ZNF570: variants seen among roughly 807,000 people sequenced by gnomAD.
The protein encoded by ZNF570 is zinc finger protein 570.
In ZNF570, 8 loss-of-function variants were observed where a neutral mutation model predicts 14.2. The ratio of observed to expected loss-of-function variants is 0.56; its 90% CI spans 0.33 to 1.02. ZNF570 has a LOEUF of 1.02. Ranked by LOEUF, ZNF570 falls within the 50% of genes least tolerant of loss-of-function variation. The pLI is 0.03. For synonymous variants in ZNF570, 202 were observed against 207.6 expected, an observed-to-expected ratio of 0.97 and a Z score of 0.23; for missense variants, 559 against 624.9, an observed-to-expected ratio of 0.89 and a Z score of 1.12.
chr19:37,483,881 T>G lies in ZNF570; in HGVS notation c.259T>G (p.Trp87Gly), dbSNP rs2042114057. Residue 87 changes from tryptophan (W) to glycine (G), a missense_variant and splice_region_variant, in exon 5 of 5, where the codon TGG (tryptophan) becomes GGG (glycine). Coordinates refer to ENST00000330173, the MANE Select transcript of ZNF570 (RefSeq NM_144694.5). ...RELTKGLCSG[W>G]EPICETEELT... ...TTTTTCTTATTATTACTTTTCAGGC[T>G]GGGAGCCTATATGTGAGACTGAAGA... 6.3e-7 allele frequency: 1 copy of G among 1,590,216 alleles called. No individual in the cohort carries two copies. The highest frequency in any genetic ancestry group is 1.4e-5 in the African/African-American group (1 of 73,590).
intron 4 of ZNF570, among the ~76,000 whole-genome samples, chr19:37,478,549 T>TCTCAATGATTTCTTGATCC (rs2042052552): frequency 3.3e-5 from 5 of 151,818 alleles, no homozygotes; most frequent in Admixed American, 2.0e-4. Context: ...ATTTTTCTGT[T>TCTCAATGATTTCTTGATCC]GCCTTTGTCG....
intron 4 of ZNF570, among the ~76,000 whole-genome samples, chr19:37,482,287 C>T (rs1168288895): frequency 2.6e-5 from 4 of 152,126 alleles, no homozygotes; most frequent in Non-Finnish European, 4.4e-5. Flanking sequence ...GTAATTTCTA[C>T]GAAAAGAGGT....
chr19:37,470,257 A>T (rs1476837205), intron 1 of ZNF570, 47 bp from the exon 2 acceptor site: 4 of 1,570,800 alleles, frequency 2.5e-6, no homozygotes, highest in Non-Finnish European at 3.5e-6. Flanking sequence ...GTGATTCTGG[A>T]TGCTGCAAGA....
intron 2 of ZNF570, among the ~76,000 whole-genome samples, chr19:37,470,802 C>T (rs1385317785): frequency 4.3e-5 from 6 of 139,690 alleles, no homozygotes; most frequent in Non-Finnish European, 9.0e-5. Flanking sequence ...TGGGTTCAAA[C>T]GATTCTCCTG....
Position 37,476,416 on chromosome 19 carries a change from A to G in ZNF570, c.238A>G (p.Thr80Ala). ...KAPWMVKREL[T>A]KGLCSGWEPI... ...ACCCTGGATGGTGAAGAGAGAGCTG[A>G]CAAAAGGCTTGTGCTCAGGTTAGTG... The change falls in exon 4 of 5, where the codon ACA becomes GCA. Residue 80 changes from threonine (T) to alanine (A), a missense_variant. Physicochemically the swap from Thr to Ala is moderately conservative, Grantham distance 58 (BLOSUM62 0). Coordinates refer to ENST00000330173, the MANE Select transcript of ZNF570 (RefSeq NM_144694.5). 2 of 1,613,980 alleles carry G rather than the reference A, an allele frequency of 1.2e-6. No homozygotes were observed. The highest frequency in any genetic ancestry group is 1.7e-6 in the Non-Finnish European group (2 of 1,179,926).
rs1466301754 is a variant in ZNF570, at chr19:37,485,247, A to G, written c.*14A>G. 1 of 1,521,552 alleles carries G rather than the reference A, an allele frequency of 6.6e-7. No homozygotes were observed. Among genetic ancestry groups the G allele is most frequent in the South Asian group, 1.3e-5 (1 of 74,438 alleles). The allele number at this position is 1,521,552 out of a possible 1,614,324, so 94.3% of individuals were successfully genotyped here. Reference sequence around the variant, plus strand: ...CAAGTCCTATAGATCCTGAGTCCTAAATGTTTCTAGAATTTATACTGTTTT... The same window carrying G: ...CAAGTCCTATAGATCCTGAGTCCTAGATGTTTCTAGAATTTATACTGTTTT... On this transcript the variant is annotated 3_prime_UTR_variant, in exon 5 of 5. Transcript: ENST00000330173.
At position 37,484,439 on chromosome 19, in the gene ZNF570, C is replaced by T. The variant is rs1461244521; in HGVS notation, c.817C>T (p.Pro273Ser). 1 of 1,614,092 alleles carries T rather than the reference C, an allele frequency of 6.2e-7. No individual in the cohort carries two copies. The highest frequency in any genetic ancestry group is 1.7e-5 in the Admixed American group (1 of 60,020). The change falls in exon 5 of 5, where the codon CCC (proline) becomes TCC (serine). Residue 273 changes from proline to serine, a missense_variant. Pro to Ser is a moderately conservative substitution (Grantham distance 74, BLOSUM62 -1). Transcript: ENST00000330173. ...QHQRIHTGEK[P>S]YECKECRKAF... ...TCAGAGGATTCATACTGGAGAAAAA[C>T]CCTATGAATGTAAGGAATGTAGGAA...
upstream of ZNF570, chr19:37,468,072 T>TG: frequency 4.9e-6 from 1 of 203,490 alleles, no homozygotes; most frequent in East Asian, 7.6e-5. Flanking sequence ...GCCTTTCGTG[T>TG]TTTTTTTTTT....
rs1286259697 is a variant in ZNF570 at position 37,485,707 on chromosome 19, G to A, written c.*474G>A. 6.5e-6 allele frequency: 1 copy of A among 152,984 alleles called. No individual in the cohort carries two copies. Among genetic ancestry groups the A allele is most frequent in the Non-Finnish European group, 1.5e-5 (1 of 68,786 alleles). The allele number at this position is 152,984 out of a possible 1,614,324, so 9.5% of individuals were successfully genotyped here. A position where few individuals can be genotyped will look rare whatever the true frequency, so the allele number is the denominator to read the frequency against. ...CAAAGTGCTGGGATTACAGGCATGAGCCACCACGCCCAGCCTCAAAGTGTT... is the reference window on the plus strand; with the variant it reads ...CAAAGTGCTGGGATTACAGGCATGAACCACCACGCCCAGCCTCAAAGTGTT... On this transcript the variant is annotated 3_prime_UTR_variant, in exon 5 of 5. Coordinates refer to ENST00000330173, the MANE Select transcript of ZNF570 (RefSeq NM_144694.5).
chr19:37,480,871 G>T (rs964798327), intron 4 of ZNF570, among the ~76,000 whole-genome samples: 1 of 151,394 alleles, frequency 6.6e-6, no homozygotes, highest in African/African-American at 2.4e-5. Flanking sequence ...GGTCGCCTGA[G>T]CCCAGGAGTT....
In ZNF570 at chr19:37,486,452, A is replaced by G. The variant is rs1392604603; in HGVS notation, c.*1219A>G. Reference sequence around the variant, plus strand: ...CATATTAAATGAGAAATTTGCATGTAAAATACTTCATATAGTCTGTCAAAT... The same window carrying G: ...CATATTAAATGAGAAATTTGCATGTGAAATACTTCATATAGTCTGTCAAAT... On this transcript the variant is annotated 3_prime_UTR_variant, in exon 5 of 5. Transcript: ENST00000330173. The G allele has an allele frequency of 6.6e-6, 1 of 152,220 alleles. No homozygotes were observed. The highest frequency in any genetic ancestry group is 1.5e-5 in the Non-Finnish European group (1 of 68,040). 9.4% of individuals were successfully genotyped at this position (152,220 alleles called of 1,614,324 possible).
rs904173836 is a variant in ZNF570, at chr19:37,469,424, T to G, written c.-185T>G. 1 of 1,531,706 alleles carries G rather than the reference T, an allele frequency of 6.5e-7. No homozygotes were observed. The highest frequency in any genetic ancestry group is 8.7e-7 in the Non-Finnish European group (1 of 1,143,938). 94.9% of individuals were successfully genotyped at this position (1,531,706 alleles called of 1,614,324 possible). A position where few individuals can be genotyped will look rare whatever the true frequency, so the allele number is the denominator to read the frequency against. On this transcript the variant is annotated 5_prime_UTR_variant, in exon 1 of 5. Transcript: ENST00000330173. ...GGTAGCGGTGAGACCCGAGTGCAGATTCCCCGAGCCTTCGGGGCAGGAAGG... is the reference window on the plus strand; with the variant it reads ...GGTAGCGGTGAGACCCGAGTGCAGAGTCCCCGAGCCTTCGGGGCAGGAAGG...
chr19:37,485,244 C>T lies in ZNF570; in HGVS notation c.*11C>T, dbSNP rs768917829. 2 of 1,521,886 alleles carry T rather than the reference C, an allele frequency of 1.3e-6. No individual in the cohort carries two copies. Among genetic ancestry groups the T allele is most frequent in the Non-Finnish European group, 1.8e-6 (2 of 1,138,318 alleles). 94.3% of individuals were successfully genotyped at this position (1,521,886 alleles called of 1,614,324 possible). A position where few individuals can be genotyped will look rare whatever the true frequency, so the allele number is the denominator to read the frequency against. ...CACCAAGTCCTATAGATCCTGAGTC[C>T]TAAATGTTTCTAGAATTTATACTGT... On this transcript the variant is annotated 3_prime_UTR_variant, in exon 5 of 5. Coordinates refer to ENST00000330173, the MANE Select transcript of ZNF570 (RefSeq NM_144694.5).
At chr19:37,483,349 T>C (rs533201257) in intron 4 of ZNF570, among the ~76,000 whole-genome samples, 5 of 152,336 alleles carry the variant, frequency 3.3e-5, no homozygotes, top group Non-Finnish European at 7.3e-5. Flanking sequence ...ATTTCATCAG[T>C]ATCCATGACA....
chr19:37,485,133 A>G lies in ZNF570; in HGVS notation c.1511A>G (p.Lys504Arg), dbSNP rs561605821. 9 of 1,611,762 alleles carry G rather than the reference A, an allele frequency of 5.6e-6. No homozygotes were observed. In the East Asian group the frequency reaches 2.0e-4, roughly 36 times the overall value. Residue 504 changes from lysine to arginine, a missense_variant, in exon 5 of 5, where the codon AAA becomes AGA. By Grantham distance (26) the Lys-to-Arg change is conservative. Transcript: ENST00000330173. The stretch of plus-strand genomic sequence containing the variant: ...AGACCCTATGAATGTAAGGAATGCA[A>G]AAAAACCTTCAGGCAGCATGCACAC... ...GERPYECKECKKTFRQHAHLA... is the reference protein window; with the variant it reads ...GERPYECKECRKTFRQHAHLA...
In ZNF570 at chr19:37,476,404, A is replaced by G. The variant is rs1555847078; in HGVS notation, c.226A>G (p.Lys76Glu). 17 of 1,613,958 alleles carry G rather than the reference A, an allele frequency of 1.1e-5. No individual in the cohort carries two copies. The South Asian group carries it at 1.9e-4, about 18-fold the overall frequency. Residue 76 changes from lysine to glutamate, a missense_variant, in exon 4 of 5, where the codon AAG (lysine) becomes GAG (glutamate). Transcript: ENST00000330173. Reference sequence around the variant, plus strand: ...ACAAGGAAAAGCACCCTGGATGGTGAAGAGAGAGCTGACAAAAGGCTTGTG... The same window carrying G: ...ACAAGGAAAAGCACCCTGGATGGTGGAGAGAGAGCTGACAAAAGGCTTGTG... ...LEQGKAPWMV[K>E]RELTKGLCSG...
chr19:37,476,116 C>A, intron 3 of ZNF570, 109 bp downstream of exon 3: 1 of 1,462,172 alleles, frequency 6.8e-7, no homozygotes, highest in African/African-American at 1.4e-5. Context: ...ATGTCTGCTG[C>A]CTATGCCAAA....
intron 2 of ZNF570, among the ~76,000 whole-genome samples, chr19:37,473,091 T>G (rs970119590): frequency 6.6e-6 from 1 of 152,146 alleles, no homozygotes; most frequent in Non-Finnish European, 1.5e-5. Flanking sequence ...AATAAGATTA[T>G]CAGCTGAGAG....
upstream of ZNF570, chr19:37,469,351 G>C: frequency 7.0e-7 from 1 of 1,427,044 alleles, no homozygotes; most frequent in Non-Finnish European, 9.2e-7. Context: ...GGAGGCAGCT[G>C]AGGCGCTTCT....
Sources: gnomAD v4.1 joint callset for allele counts (sites outside exome capture counted in the v4.1 genomes callset) on GRCh38, gnomAD v4.1.1 for gene constraint, MANE v1.5 for transcripts, NCBI Gene and HGNC (gene_info 2026-07-23, HGNC 2026-07-21) for gene names.